ARK2C: variants seen among roughly 807,000 people sequenced by gnomAD.
ARK2C encodes the protein arkadia (RNF111) C-terminal like ring finger ubiquitin ligase 2C.
At chr18:46,426,693 T>C in the ARK2C span, among the ~76,000 whole-genome samples, 1 of 152,232 alleles carries the variant, frequency 6.6e-6, no homozygotes, top group Non-Finnish European at 1.5e-5. Context: ...TTACCATTGA[T>C]GTGTTTATTT....
chr18:46,432,970 A>ATAAAT, the ARK2C span, among the ~76,000 whole-genome samples: 1,031 of 152,172 alleles, frequency 6.8e-3, 10 homozygotes, highest in African/African-American at 0.02. Flanking sequence ...AAATAAATAA[A>ATAAAT]AAATAAAGAT....
At chr18:46,352,068 C>A in the ARK2C span, among the ~76,000 whole-genome samples, 1 of 152,192 alleles carries the variant, frequency 6.6e-6, no homozygotes, top group African/African-American at 2.4e-5. Flanking sequence ...AGGATGGCAG[C>A]CCTGTCCTCT....
chr18:46,344,493 C>A, the ARK2C span, among the ~76,000 whole-genome samples: 1 of 152,188 alleles, frequency 6.6e-6, no homozygotes, highest in Non-Finnish European at 1.5e-5. Context: ...TGCTTCTACT[C>A]CTCAAATTCC....
chr18:46,431,490 A>G, the ARK2C span, among the ~76,000 whole-genome samples: 151 of 152,282 alleles, frequency 9.9e-4, no homozygotes, highest in African/African-American at 3.1e-3. Context: ...GATTTTCTTT[A>G]GAGAAGCATC....
the ARK2C span, among the ~76,000 whole-genome samples, chr18:46,366,731 G>A: frequency 1.3e-5 from 2 of 152,282 alleles, no homozygotes; most frequent in African/African-American, 4.8e-5. Flanking sequence ...AGCTTTCTCT[G>A]ACCTTCCTAG....
the ARK2C span, chr18:46,458,717 T>G: frequency 2.6e-5 from 4 of 152,274 alleles, no homozygotes; most frequent in Non-Finnish European, 5.9e-5. Context: ...CTCCCAGCAC[T>G]AATATCCTGG....
the ARK2C span, chr18:46,336,629 T>G: frequency 1.0e-6 from 1 of 985,448 alleles, no homozygotes; most frequent in South Asian, 4.7e-5. Context: ...CTTTTTAGTT[T>G]CCATTGTAGT....
the ARK2C span, among the ~76,000 whole-genome samples, chr18:46,446,593 C>T: frequency 6.7e-6 from 1 of 148,518 alleles, no homozygotes; most frequent in East Asian, 2.0e-4. Context: ...ATTGCTTGAA[C>T]CCAGAAGATG....
the ARK2C span, among the ~76,000 whole-genome samples, chr18:46,452,370 C>T: frequency 6.6e-6 from 1 of 152,138 alleles, no homozygotes; most frequent in Admixed American, 6.5e-5. Flanking sequence ...ACCTCCACCT[C>T]CTGGGTTCAA....
At chr18:46,403,747 G>C in the ARK2C span, among the ~76,000 whole-genome samples, 739 of 152,026 alleles carry the variant, frequency 4.9e-3, 8 homozygotes, top group African/African-American at 0.017. Flanking sequence ...GCGTGGTGGC[G>C]GTCACTTGTA....
At chr18:46,405,560 G>A in the ARK2C span, among the ~76,000 whole-genome samples, 5 of 152,116 alleles carry the variant, frequency 3.3e-5, no homozygotes, top group East Asian at 5.8e-4. Context: ...GAGAGAGAGG[G>A]CGAAGGAGAC....
chr18:46,412,785 G>C, the ARK2C span, among the ~76,000 whole-genome samples: 1 of 152,098 alleles, frequency 6.6e-6, no homozygotes, highest in African/African-American at 2.4e-5. Flanking sequence ...CAGCCAACGC[G>C]GAGTGACCAC....
At chr18:46,418,322 A>C in the ARK2C span, among the ~76,000 whole-genome samples, 3 of 152,204 alleles carry the variant, frequency 2.0e-5, 1 homozygote, top group South Asian at 6.2e-4. Flanking sequence ...ATGCCATTGC[A>C]CTCCAGCCTG....
At chr18:46,392,055 A>G in the ARK2C span, among the ~76,000 whole-genome samples, 1 of 151,836 alleles carries the variant, frequency 6.6e-6, no homozygotes, top group African/African-American at 2.4e-5. Context: ...TACAACACAC[A>G]CACCACACAC....
At chr18:46,357,378 A>G in the ARK2C span, among the ~76,000 whole-genome samples, 1 of 152,180 alleles carries the variant, frequency 6.6e-6, no homozygotes, top group South Asian at 2.1e-4. Context: ...GAGGTAACTG[A>G]GAGTAAGCAA....
chr18:46,336,424 A>C, the ARK2C span: 1 of 985,332 alleles, frequency 1.0e-6, no homozygotes, highest in Admixed American at 6.1e-5. Context: ...CCATCAGTTA[A>C]AGTTTACTTT....
the ARK2C span, among the ~76,000 whole-genome samples, chr18:46,349,934 A>G: frequency 6.6e-6 from 1 of 152,166 alleles, no homozygotes; most frequent in African/African-American, 2.4e-5. Flanking sequence ...CACAGTTCAC[A>G]TACAGTTATA....
chr18:46,456,602 T>C, the ARK2C span: 1 of 1,613,874 alleles, frequency 6.2e-7, no homozygotes, highest in Non-Finnish European at 8.5e-7. Context: ...ATCTGCCGAG[T>C]GGACATTGAG....
At chr18:46,380,030 T>C in the ARK2C span, among the ~76,000 whole-genome samples, 1 of 151,928 alleles carries the variant, frequency 6.6e-6, no homozygotes, top group African/African-American at 2.4e-5. Flanking sequence ...CCCTCCCAAC[T>C]ATTAGCCTCA....
Sources: gnomAD v4.1 joint callset for allele counts (sites outside exome capture counted in the v4.1 genomes callset) on GRCh38, gnomAD v4.1.1 for gene constraint, MANE v1.5 for transcripts, NCBI Gene and HGNC (gene_info 2026-07-23, HGNC 2026-07-21) for gene names.